Variants in FBLN2 observed in about 807,000 individuals in gnomAD.
The protein encoded by FBLN2 is fibulin-2.
In FBLN2, 81 loss-of-function variants were observed where a neutral mutation model predicts 123.7. That is an observed-to-expected ratio of 0.65 (90% CI 0.55 to 0.79). The LOEUF is 0.79. FBLN2 is among the 30% of genes least tolerant of loss of function. The pLI, the probability that FBLN2 is intolerant of heterozygous loss-of-function variation, is 0.00. For missense variants in FBLN2, 1,603 were observed against 1,681.3 expected (o/e 0.95, Z 0.81); for synonymous variants, 699 against 701.4 (o/e 1.00, Z 0.05).
At chr3:13,611,989 T>TGAC (rs1269382484) in intron 4 of FBLN2, among the ~76,000 whole-genome samples, 1 of 152,186 alleles carries the variant, frequency 6.6e-6, no homozygotes, top group Non-Finnish European at 1.5e-5. Context: ...TCAGGAAACC[T>TGAC]TCCAGAAGGG....
At chr3:13,617,015 T>TGA (rs1182915145) in intron 5 of FBLN2, among the ~76,000 whole-genome samples, 17 of 152,218 alleles carry the variant, frequency 1.1e-4, no homozygotes, top group Admixed American at 6.5e-5. Context: ...AACACTTTAG[T>TGA]GAGAGCTTCT....
intron 1 of FBLN2, among the ~76,000 whole-genome samples, chr3:13,554,725 C>T (rs1313797691): frequency 6.6e-6 from 1 of 152,066 alleles, no homozygotes; most frequent in Non-Finnish European, 1.5e-5. Flanking sequence ...GCCCTGATGG[C>T]TGTTGTCTGA....
At chr3:13,597,713 A>T (rs2124865406) in intron 2 of FBLN2, among the ~76,000 whole-genome samples, 1 of 152,318 alleles carries the variant, frequency 6.6e-6, no homozygotes, top group East Asian at 1.9e-4. Flanking sequence ...CTTCTGCTTT[A>T]CCAGGGGACA....
Position 13,627,978 on chromosome 3 carries a change from G to T in FBLN2, c.2569+9G>T, listed in dbSNP as rs1574998100. 8.1e-6 allele frequency: 13 copies of T among 1,611,828 alleles called. No homozygotes were observed. Among genetic ancestry groups the T allele is most frequent in the Middle Eastern group, 1.7e-4 (1 of 6,048 alleles). ...TGAAGGCAACTGTGTGGGTGAGCGG[G>T]GGCTGCAGGGCTGGGGATCATCAGC... is the stretch of plus-strand genomic sequence containing the variant. On this transcript the variant is annotated intron_variant, in intron 11 of 17. Transcript: ENST00000404922.
At chr3:13,619,159 T>G (rs1705752359) in intron 7 of FBLN2, 142 bp downstream of exon 7, 1 of 652,076 alleles carries the variant, frequency 1.5e-6, no homozygotes, top group Admixed American at 2.7e-5. Context: ...TTGGGGATGA[T>G]GGGCTTACCC....
intron 1 of FBLN2, among the ~76,000 whole-genome samples, chr3:13,562,704 G>T: frequency 1.3e-5 from 2 of 152,240 alleles, no homozygotes; most frequent in Middle Eastern, 6.8e-3. Context: ...GGAAGTTCAC[G>T]TTGTGCAGCC....
At chr3:13,593,279 T>A (rs1460041250) in intron 2 of FBLN2, among the ~76,000 whole-genome samples, 4 of 152,150 alleles carry the variant, frequency 2.6e-5, no homozygotes, top group African/African-American at 9.7e-5. Flanking sequence ...CGGGCATGGG[T>A]TAAAGTTAAT....
In FBLN2 at chr3:13,629,928, A is replaced by G; in HGVS notation, c.2951A>G (p.Asp984Gly). Residue 984 changes from aspartate to glycine, a missense_variant, in exon 14 of 18, where the codon GAC (aspartate) becomes GGC (glycine). Physicochemically the swap from Asp to Gly is moderately conservative, Grantham distance 94. Coordinates refer to ENST00000404922, the MANE Select transcript of FBLN2 (RefSeq NM_001004019.2). ...GCCTCCGGGTTCCTGCTAGCAGCGG[A>G]CGGCAAGCGCTGTGAAGGTAGGCTG... is the stretch of plus-strand genomic sequence containing the variant. ...SCASGFLLAA[D>G]GKRCEDVNEC... 6.2e-7 allele frequency: 1 copy of G among 1,610,424 alleles called. No individual in the cohort carries two copies. Among genetic ancestry groups the G allele is most frequent in the Non-Finnish European group, 8.5e-7 (1 of 1,178,976 alleles).
At chr3:13,629,089 G>T in intron 12 of FBLN2, 41 bp downstream of exon 12, 1 of 1,612,792 alleles carries the variant, frequency 6.2e-7, no homozygotes, top group Non-Finnish European at 8.5e-7. Context: ...AGCCCGGCCT[G>T]CCCGCTTCCC....
chr3:13,558,610 C>T (rs935040729), intron 1 of FBLN2, among the ~76,000 whole-genome samples: 2 of 152,062 alleles, frequency 1.3e-5, no homozygotes. Context: ...TCGGGCCATA[C>T]GGATTAATTA....
At chr3:13,619,050 G>A (rs1303918382) in intron 7 of FBLN2, 33 bp downstream of exon 7, 2 of 1,544,808 alleles carry the variant, frequency 1.3e-6, no homozygotes, top group South Asian at 2.3e-5. Context: ...CCAGGACAGG[G>A]CCCAGGGTCC....
chr3:13,549,224 C>T lies in FBLN2; in HGVS notation c.-42+16C>T. On this transcript the variant is annotated intron_variant, in intron 1 of 17. Coordinates refer to ENST00000404922, the MANE Select transcript of FBLN2 (RefSeq NM_001004019.2). ...GTGCCCCGCGGTGAGTGCACGCGGCCCCTCCCGCCCGGACTCATCCCCGTC... is the reference window on the plus strand; with the variant it reads ...GTGCCCCGCGGTGAGTGCACGCGGCTCCTCCCGCCCGGACTCATCCCCGTC... 1.0e-6 allele frequency: 1 copy of T among 983,454 alleles called. No individual in the cohort carries two copies. Among genetic ancestry groups the T allele is most frequent in the South Asian group, 4.7e-5 (1 of 21,266 alleles). The allele number at this position is 983,454 out of a possible 1,614,324, so 60.9% of individuals were successfully genotyped here.
At chr3:13,582,703 G>A (rs995395095) in intron 2 of FBLN2, among the ~76,000 whole-genome samples, 1 of 152,226 alleles carries the variant, frequency 6.6e-6, no homozygotes, top group African/African-American at 2.4e-5. Flanking sequence ...TGTACAATGG[G>A]GCGGTCCTGT....
Position 13,631,468 on chromosome 3 carries a change from C to T in FBLN2, c.3214+11C>T, listed in dbSNP as rs768779993. 3.8e-6 allele frequency: 6 copies of T among 1,577,154 alleles called. No individual in the cohort carries two copies. The Admixed American group carries it at 9.0e-5, about 24-fold the overall frequency. ...GGAGGTCCTGCAAGGGTGAGCAAGT[C>T]CCCCCACACGCCCCCGCCTCCATCA... On this transcript the variant is annotated intron_variant, in intron 16 of 17. Coordinates refer to ENST00000404922, the MANE Select transcript of FBLN2 (RefSeq NM_001004019.2).
At chr3:13,610,770 G>A (rs1158410471) in intron 4 of FBLN2, among the ~76,000 whole-genome samples, 1 of 152,110 alleles carries the variant, frequency 6.6e-6, no homozygotes, top group East Asian at 1.9e-4. Flanking sequence ...TGAGTTAGAG[G>A]AGTGAGAGGC....
rs73039001 is a variant in FBLN2, at chr3:13,558,466, C to T, written c.-42+9258C>T. Among the ~76,000 whole-genome samples the T allele has an allele frequency of 7.8e-3, 1,184 of 152,162 alleles. 7 individuals carry two copies. The highest frequency in any genetic ancestry group is 0.012 in the Non-Finnish European group (812 of 68,004). Reference sequence around the variant, plus strand: ...AAAGTGCCTCTGTATGAAAGGTGGACACGTACCTTGGTTGTTTAGGTCACT... The same window carrying T: ...AAAGTGCCTCTGTATGAAAGGTGGATACGTACCTTGGTTGTTTAGGTCACT... On this transcript the variant is annotated intron_variant, in intron 1 of 17. Coordinates refer to ENST00000404922, the MANE Select transcript of FBLN2 (RefSeq NM_001004019.2).
chr3:13,638,195 C>A lies in FBLN2; in HGVS notation c.*276C>A, dbSNP rs1061398. Reference sequence around the variant, plus strand: ...TGAGGCTGGGTGATGACCTGAGGACCAGAGACACGCGACCATGTTGGGGCT... The same window carrying A: ...TGAGGCTGGGTGATGACCTGAGGACAAGAGACACGCGACCATGTTGGGGCT... On this transcript the variant is annotated 3_prime_UTR_variant, in exon 18 of 18. Coordinates refer to ENST00000404922, the MANE Select transcript of FBLN2 (RefSeq NM_001004019.2). 141,410 of 623,776 alleles carry A rather than the reference C, an allele frequency of 0.23. 16,631 individuals carry two copies. Among genetic ancestry groups the A allele is most frequent in the Admixed American group, 0.32 (11,985 of 37,608 alleles). 38.6% of individuals were successfully genotyped at this position (623,776 alleles called of 1,614,324 possible).
In FBLN2 at chr3:13,636,289, G is replaced by A. The variant is rs537990495; in HGVS notation, c.3215-156G>A. ...GCCAGGCCCCCTGCTGCGGGGTGCC[G>A]AGCAGGTGAGATGGGGCATGTGTGT... On this transcript the variant is annotated intron_variant, in intron 16 of 17. Transcript: ENST00000404922. Among the ~76,000 whole-genome samples, 19 of 152,338 alleles carry A rather than the reference G, an allele frequency of 1.2e-4. No individual in the cohort carries two copies. In the South Asian group the frequency reaches 3.5e-3, roughly 28 times the overall value.
intron 5 of FBLN2, among the ~76,000 whole-genome samples, chr3:13,617,614 T>C (rs867738488): frequency 2.6e-4 from 27 of 105,766 alleles, no homozygotes; most frequent in African/African-American, 1.2e-3. Context: ...CATCCATCCA[T>C]CCATCCACCC....
Sources: allele counts gnomAD v4.1 joint callset (sites outside exome capture counted in the v4.1 genomes callset), GRCh38; gene constraint gnomAD v4.1.1; transcripts MANE v1.5; gene names NCBI Gene and HGNC (gene_info 2026-07-23, HGNC 2026-07-21).